The following ADGRG2 variants were observed in gnomAD, a reference collection of about 807,000 sequenced individuals.
ADGRG2 encodes the protein adhesion G protein-coupled receptor G2.
In ADGRG2, 26 loss-of-function variants were observed where a neutral mutation model predicts 74.1. The observed-to-expected ratio is 0.35, with a 90% CI of 0.26 to 0.49. The LOEUF (loss-of-function observed/expected upper bound fraction) is 0.49. Ranked by LOEUF, ADGRG2 falls within the 20% of genes least tolerant of loss-of-function variation. ADGRG2 has a pLI of 0.99. For missense variants in ADGRG2, 619 were observed against 763.1 expected, an observed-to-expected ratio of 0.81 and a Z score of 2.22; for synonymous variants, 296 against 295.2, an observed-to-expected ratio of 1.00 and a Z score of -0.03.
intron 15 of ADGRG2, 36 bp downstream of exon 15, chrX:19,019,563 T>G (rs1443367938): frequency 2.6e-6 from 2 of 764,491 alleles, no homozygotes; most frequent in Admixed American, 3.0e-5. Context: ...TTTTTTTTTT[T>G]TTTTAAGGAG....
At chrX:19,066,162 T>C (rs941305062) in intron 3 of ADGRG2, among the ~76,000 whole-genome samples, 2 of 112,615 alleles carry the variant, frequency 1.8e-5, no homozygotes, top group African/African-American at 6.4e-5. Flanking sequence ...TTTCTTTCTT[T>C]AAAGAATGGC....
At chrX:19,112,507 G>A (rs2062429105) in intron 1 of ADGRG2, among the ~76,000 whole-genome samples, 1 of 110,503 alleles carries the variant, frequency 9.0e-6, no homozygotes, top group African/African-American at 3.3e-5. Context: ...CACCAATGAG[G>A]AAGAGATGGA....
intron 1 of ADGRG2, among the ~76,000 whole-genome samples, chrX:19,113,574 T>C (rs1237489240): frequency 5.4e-5 from 6 of 111,775 alleles, no homozygotes; most frequent in African/African-American, 2.0e-4. Flanking sequence ...CTGAAGGATT[T>C]AGGAGTTAAA....
At chrX:19,086,513 T>C (rs1352484439) in intron 1 of ADGRG2, among the ~76,000 whole-genome samples, 3 of 111,283 alleles carry the variant, frequency 2.7e-5, no homozygotes, top group Non-Finnish European at 5.7e-5. Context: ...AGGCAGACTT[T>C]ACAAGTGGTT....
intron 20 of ADGRG2, 126 bp downstream of exon 20, chrX:19,007,109 G>A: frequency 4.6e-6 from 3 of 652,655 alleles, no homozygotes; most frequent in Non-Finnish European, 4.9e-6. Context: ...TTCTAGTCCT[G>A]CAAACTACTC....
chrX:19,090,542 T>C (rs1211547572), intron 1 of ADGRG2, among the ~76,000 whole-genome samples: 1 of 112,211 alleles, frequency 8.9e-6, no homozygotes, highest in African/African-American at 3.2e-5. Flanking sequence ...TTGTTTACTA[T>C]ACAAATAAGA....
At chrX:19,063,787 T>C (rs1384516784) in intron 3 of ADGRG2, among the ~76,000 whole-genome samples, 1 of 111,982 alleles carries the variant, frequency 8.9e-6, no homozygotes, top group East Asian at 2.8e-4. Context: ...ATTTAATTCT[T>C]CCGAGGTCAG....
intron 3 of ADGRG2, among the ~76,000 whole-genome samples, chrX:19,050,898 G>A (rs1454561249): frequency 9.0e-6 from 1 of 111,269 alleles, no homozygotes; most frequent in Non-Finnish European, 1.9e-5. Flanking sequence ...GACAGTGCCC[G>A]GACCTCACAG....
chrX:19,097,102 C>T (rs562991670), intron 1 of ADGRG2, among the ~76,000 whole-genome samples: 2 of 112,533 alleles, frequency 1.8e-5, no homozygotes, highest in South Asian at 3.6e-4. Flanking sequence ...TCTCTGCCTC[C>T]CCTCCTTATG....
intron 3 of ADGRG2, among the ~76,000 whole-genome samples, chrX:19,063,728 A>G (rs2061523038): frequency 9.0e-6 from 1 of 111,695 alleles, no homozygotes; most frequent in African/African-American, 3.3e-5. Flanking sequence ...ACACAAAGTG[A>G]TATCCCCAGG....
rs1238704966 is a variant in ADGRG2, at chrX:19,010,797, T to C, written c.1100-19A>G. The C allele has an allele frequency of 6.1e-6, 7 of 1,153,288 alleles. No homozygotes were observed. The highest frequency in any genetic ancestry group is 7.0e-6 in the Non-Finnish European group (6 of 853,065). On this transcript the variant is annotated intron_variant, in intron 16 of 28. Transcript: ENST00000379869. ...ACGATGTCTATATCAAAGAGCCAAA[T>C]CGTGTTATGAACACACAATGGAAAA... is the stretch of plus-strand genomic sequence containing the variant.
chrX:19,077,040 G>A (rs1401196583), intron 2 of ADGRG2, among the ~76,000 whole-genome samples: 1 of 111,212 alleles, frequency 9.0e-6, no homozygotes, highest in Non-Finnish European at 1.9e-5. Context: ...ACAACAGGTT[G>A]TAATATCTTT....
chrX:19,087,400 G>A (rs932884164), intron 1 of ADGRG2, among the ~76,000 whole-genome samples: 1 of 112,533 alleles, frequency 8.9e-6, no homozygotes, highest in Non-Finnish European at 1.9e-5. Context: ...ATCAGCTGTG[G>A]GCAGTAATGG....
intron 1 of ADGRG2, among the ~76,000 whole-genome samples, chrX:19,118,037 G>A (rs916925657): frequency 1.8e-5 from 2 of 111,034 alleles, no homozygotes; most frequent in Non-Finnish European, 3.8e-5. Flanking sequence ...AACATCCTGA[G>A]GATAATTAAG....
intron 2 of ADGRG2, among the ~76,000 whole-genome samples, chrX:19,069,471 C>A (rs1024011327): frequency 6.4e-4 from 71 of 110,727 alleles, no homozygotes; most frequent in African/African-American, 2.3e-3. Context: ...TGGCCCTAGA[C>A]AAGGGCCACA....
intron 3 of ADGRG2, among the ~76,000 whole-genome samples, chrX:19,060,057 G>A (rs892294878): frequency 6.2e-5 from 7 of 112,022 alleles, no homozygotes; most frequent in Non-Finnish European, 1.1e-4. Context: ...GCTTGAAGCC[G>A]GGAGGCGGAG....
chrX:19,080,549 C>A (rs1199850168), intron 2 of ADGRG2, among the ~76,000 whole-genome samples: 1 of 111,473 alleles, frequency 9.0e-6, no homozygotes, highest in Non-Finnish European at 1.9e-5. Flanking sequence ...GGAAGTAATG[C>A]TAAGACCTAT....
At chrX:19,055,300 G>A (rs182615013) in intron 3 of ADGRG2, among the ~76,000 whole-genome samples, 2 of 111,861 alleles carry the variant, frequency 1.8e-5, no homozygotes, top group East Asian at 2.8e-4. Context: ...GCGCACGCGC[G>A]TGCACGCACC....
chrX:19,016,537 A>G (rs1028859241), intron 15 of ADGRG2, among the ~76,000 whole-genome samples: 23 of 108,868 alleles, frequency 2.1e-4, no homozygotes, highest in Non-Finnish European at 3.6e-4. Flanking sequence ...TTTATTTTTT[A>G]TTATTTATTT....
Sources: gnomAD v4.1 joint callset for allele counts (sites outside exome capture counted in the v4.1 genomes callset) on GRCh38, gnomAD v4.1.1 for gene constraint, MANE v1.5 for transcripts, NCBI Gene and HGNC (gene_info 2026-07-23, HGNC 2026-07-21) for gene names.